Variants in FAM107B observed in about 807,000 individuals in gnomAD.
FAM107B encodes family with sequence similarity 107 member B.
In FAM107B, 21 loss-of-function variants were observed where a neutral mutation model predicts 31.5. The observed-to-expected ratio is 0.67, with a 90% CI of 0.47 to 0.96. FAM107B has a LOEUF of 0.96. Among genes scored for constraint, FAM107B ranks in the 40% least tolerant of loss-of-function variants. The pLI, the probability that FAM107B is intolerant of heterozygous loss-of-function variation, is 0.00. For synonymous variants in FAM107B, 157 were observed against 141.5 expected (o/e 1.11, Z -0.78); for missense variants, 452 against 377.1 (o/e 1.20, Z -1.64).
In FAM107B at chr10:14,700,827, C is replaced by CAAAA. The variant is rs1159035034; in HGVS notation, c.412-33140_412-33137dup. ...TCACTTGGATGCTGATGGCAAGAGGCAAAAAAAAAAAAAAAAAAAAAAAAA... is the reference window on the plus strand; with the variant it reads ...TCACTTGGATGCTGATGGCAAGAGGCAAAAAAAAAAAAAAAAAAAAAAAAAAAAA... On this transcript the variant is annotated intron_variant, in intron 1 of 4. Coordinates refer to ENST00000181796, the MANE Select transcript of FAM107B (RefSeq NM_031453.4). Among the ~76,000 whole-genome samples, 17 of 76,016 alleles carry CAAAA rather than the reference C, an allele frequency of 2.2e-4. 1 individual carries two copies. Among genetic ancestry groups the CAAAA allele is most frequent in the South Asian group, 6.4e-4 (1 of 1,568 alleles). 49.9% of individuals were successfully genotyped at this position (76,016 alleles called of 152,430 possible). A position where few individuals can be genotyped will look rare whatever the true frequency, so the allele number is the denominator to read the frequency against.
intron 1 of FAM107B, among the ~76,000 whole-genome samples, chr10:14,731,328 G>A (rs956035176): frequency 2.0e-4 from 30 of 152,156 alleles, no homozygotes; most frequent in African/African-American, 6.8e-4. Flanking sequence ...ATGGGGGGCC[G>A]AGGCAGGTGG....
intron 1 of FAM107B, among the ~76,000 whole-genome samples, chr10:14,717,139 C>T (rs936762297): frequency 6.6e-6 from 1 of 152,006 alleles, no homozygotes; most frequent in African/African-American, 2.4e-5. Flanking sequence ...ATGGCAACCA[C>T]CCGACAAAGC....
chr10:14,604,132 CG>C, intron 2 of FAM107B: 6 of 711,414 alleles, frequency 8.4e-6, no homozygotes, highest in Non-Finnish European at 1.0e-5. Flanking sequence ...CCCGCCCGGC[CG>C]CCCGCCCGCC....
At chr10:14,551,320 TTTTCAGTAGAGACGGGG>T (rs1404132875) in intron 2 of FAM107B, among the ~76,000 whole-genome samples, 1 of 152,108 alleles carries the variant, frequency 6.6e-6, no homozygotes, top group Non-Finnish European at 1.5e-5. Context: ...AATTTTTGTA[TTTTCAGTAGAGACGGGG>T]TTTCACCATG....
At chr10:14,750,058 A>G (rs1023141588) in intron 1 of FAM107B, among the ~76,000 whole-genome samples, 1 of 152,198 alleles carries the variant, frequency 6.6e-6, no homozygotes, top group Non-Finnish European at 1.5e-5. Context: ...TCCAGCGAGG[A>G]GGGCACCAGG....
chr10:14,690,691 A>T (rs1855112813), intron 1 of FAM107B, among the ~76,000 whole-genome samples: 1 of 151,810 alleles, frequency 6.6e-6, no homozygotes, highest in Non-Finnish European at 1.5e-5. Flanking sequence ...TGACCTTGTG[A>T]TCCCCCCACC....
At chr10:14,589,058 G>A (rs939407949) in intron 2 of FAM107B, among the ~76,000 whole-genome samples, 4 of 151,224 alleles carry the variant, frequency 2.6e-5, no homozygotes, top group African/African-American at 9.7e-5. Context: ...GGTGCATGCC[G>A]GTGGTCTCAG....
chr10:14,687,689 G>A (rs1162841480), intron 1 of FAM107B, among the ~76,000 whole-genome samples: 3 of 152,106 alleles, frequency 2.0e-5, no homozygotes. Context: ...GCTTCCATGA[G>A]TATTTTCTTC....
chr10:14,621,398 A>G (rs1853007132), intron 2 of FAM107B, among the ~76,000 whole-genome samples: 2 of 152,354 alleles, frequency 1.3e-5, no homozygotes, highest in South Asian at 4.1e-4. Context: ...TCTAGATCTT[A>G]AGTGTTCAAA....
At chr10:14,651,714 T>C (rs1478388598) in intron 2 of FAM107B, among the ~76,000 whole-genome samples, 1 of 152,202 alleles carries the variant, frequency 6.6e-6, no homozygotes, top group Non-Finnish European at 1.5e-5. Flanking sequence ...CTTGAGACTG[T>C]AGAATTTGAC....
rs1477355616 is a variant in FAM107B, at chr10:14,530,432, C to T, written c.553G>A (p.Asp185Asn). ...IMAEPDYIED[D>N]NPELIRPQKL... ...TGAGGCCTAATGAGTTCAGGATTGT[C>T]ATCTTCTATGTAGTCTGGCTCGGCC... The change falls in exon 3 of 5, where the codon GAC (aspartate) becomes AAC (asparagine). Residue 185 changes from aspartate to asparagine, a missense_variant. Transcript: ENST00000181796. The T allele has an allele frequency of 6.2e-7, 1 of 1,613,942 alleles. No homozygotes were observed. The highest frequency in any genetic ancestry group is 1.1e-5 in the South Asian group (1 of 91,082).
intron 1 of FAM107B, among the ~76,000 whole-genome samples, chr10:14,703,717 A>AC (rs1855457079): frequency 6.6e-6 from 1 of 152,210 alleles, no homozygotes; most frequent in Non-Finnish European, 1.5e-5. Flanking sequence ...GTCTTCTTTG[A>AC]ATTATAACAA....
intron 2 of FAM107B, among the ~76,000 whole-genome samples, chr10:14,649,972 C>T (rs1047175455): frequency 1.3e-5 from 2 of 152,180 alleles, no homozygotes; most frequent in Non-Finnish European, 2.9e-5. Flanking sequence ...TGCGTTTCCT[C>T]CAGTATCCTT....
intron 2 of FAM107B, among the ~76,000 whole-genome samples, chr10:14,537,978 A>G (rs1847815886): frequency 6.6e-6 from 1 of 152,178 alleles, no homozygotes; most frequent in African/African-American, 2.4e-5. Flanking sequence ...CTGCTGCCCA[A>G]GGTTACCAAG....
intron 2 of FAM107B, among the ~76,000 whole-genome samples, chr10:14,582,579 A>C (rs528682427): frequency 6.6e-6 from 1 of 150,956 alleles, no homozygotes; most frequent in Non-Finnish European, 1.5e-5. Context: ...GGGTTTCACC[A>C]TGTTAACCAG....
intron 2 of FAM107B, among the ~76,000 whole-genome samples, chr10:14,595,217 G>A (rs111267097): frequency 0.012 from 1,761 of 152,170 alleles, 40 homozygotes; most frequent in African/African-American, 0.039. Context: ...GAATTGTATG[G>A]AATATAAATT....
chr10:14,760,786 C>T (rs765569863), intron 1 of FAM107B, among the ~76,000 whole-genome samples: 4 of 151,724 alleles, frequency 2.6e-5, no homozygotes, highest in Admixed American at 6.6e-5. Flanking sequence ...TCCAGGTGGG[C>T]GGATCACTTG....
chr10:14,741,273 G>T (rs1421904619), intron 1 of FAM107B, among the ~76,000 whole-genome samples: 1 of 152,156 alleles, frequency 6.6e-6, no homozygotes, highest in African/African-American at 2.4e-5. Flanking sequence ...AAACCAGAAA[G>T]GAGTAAGGCT....
At chr10:14,537,937 T>C (rs776442452) in intron 2 of FAM107B, among the ~76,000 whole-genome samples, 1 of 151,310 alleles carries the variant, frequency 6.6e-6, no homozygotes, top group Non-Finnish European at 1.5e-5. Context: ...TGGCAACGAA[T>C]AAGAATAAAT....
Sources: allele counts gnomAD v4.1 joint callset (sites outside exome capture counted in the v4.1 genomes callset), GRCh38; gene constraint gnomAD v4.1.1; transcripts MANE v1.5; gene names NCBI Gene and HGNC (gene_info 2026-07-23, HGNC 2026-07-21).